Variants in MAF observed in about 807,000 individuals in gnomAD.
The protein encoded by MAF is transcription factor Maf.
MAF carries 10 observed loss-of-function variants against 22.0 expected under a neutral mutation model. The observed-to-expected ratio is 0.45, with a 90% CI of 0.28 to 0.77. The LOEUF is 0.77. Among genes scored for constraint, MAF ranks in the 30% least tolerant of loss-of-function variants. The pLI, the probability that MAF is intolerant of heterozygous loss-of-function variation, is 0.12. For missense variants in MAF, 544 were observed against 548.4 expected (o/e 0.99, Z 0.08); for synonymous variants, 337 against 255.8 (o/e 1.32, Z -3.03).
the MAF span, among the ~76,000 whole-genome samples, chr16:79,408,667 TCCTC>T: frequency 6.6e-5 from 10 of 151,926 alleles, no homozygotes; most frequent in Non-Finnish European, 1.3e-4. Context: ...TTCACTTCCT[TCCTC>T]CCTGTTTTCC....
chr16:79,382,927 G>C, the MAF span, among the ~76,000 whole-genome samples: 1 of 152,142 alleles, frequency 6.6e-6, no homozygotes, highest in Non-Finnish European at 1.5e-5. Flanking sequence ...TTGGCCTTTC[G>C]AGCCCAGGTC....
the MAF span, among the ~76,000 whole-genome samples, chr16:79,546,534 C>T: frequency 6.6e-6 from 1 of 152,158 alleles, no homozygotes; most frequent in African/African-American, 2.4e-5. Context: ...ACACCTATTC[C>T]ATTTCATATA....
At chr16:79,456,306 C>T in the MAF span, among the ~76,000 whole-genome samples, 7 of 152,086 alleles carry the variant, frequency 4.6e-5, no homozygotes, top group Non-Finnish European at 1.5e-5. Flanking sequence ...CCATTATGCC[C>T]CCTATTTAAA....
chr16:79,433,267 T>A, the MAF span, among the ~76,000 whole-genome samples: 5 of 139,358 alleles, frequency 3.6e-5, no homozygotes, highest in African/African-American at 5.2e-5. Context: ...ATAAGACAAG[T>A]AAAAAAAAAA....
At chr16:79,217,882 G>A in the MAF span, among the ~76,000 whole-genome samples, 2 of 150,098 alleles carry the variant, frequency 1.3e-5, no homozygotes, top group Admixed American at 1.3e-4. Context: ...CAGTGAAGGA[G>A]GCCTGATGAC....
chr16:79,495,955 A>T, the MAF span, among the ~76,000 whole-genome samples: 1 of 152,168 alleles, frequency 6.6e-6, no homozygotes, highest in African/African-American at 2.4e-5. Flanking sequence ...ATTAAAATAA[A>T]TGGCTTGATA....
chr16:79,541,647 A>G, the MAF span, among the ~76,000 whole-genome samples: 1 of 150,514 alleles, frequency 6.6e-6, no homozygotes, highest in Non-Finnish European at 1.5e-5. Context: ...CAGCTAAGCT[A>G]CTAGGGTTTT....
At chr16:79,375,536 G>T in the MAF span, among the ~76,000 whole-genome samples, 3 of 152,208 alleles carry the variant, frequency 2.0e-5, no homozygotes, top group South Asian at 6.2e-4. Context: ...TGATGGTAAT[G>T]ATGAAGATGA....
the MAF span, among the ~76,000 whole-genome samples, chr16:79,216,343 T>G: frequency 6.6e-6 from 1 of 152,236 alleles, no homozygotes; most frequent in Non-Finnish European, 1.5e-5. Context: ...TGCACATATA[T>G]GTATTGCATA....
At chr16:79,230,328 T>G in the MAF span, among the ~76,000 whole-genome samples, 1 of 152,114 alleles carries the variant, frequency 6.6e-6, no homozygotes, top group South Asian at 2.1e-4. Flanking sequence ...AGAAAGAATG[T>G]ACAGGAGGTG....
At chr16:79,400,110 A>C in the MAF span, among the ~76,000 whole-genome samples, 1 of 152,200 alleles carries the variant, frequency 6.6e-6, no homozygotes, top group Non-Finnish European at 1.5e-5. Context: ...GCTCCAGGAC[A>C]GGGTAGTTGC....
chr16:79,294,401 G>A, the MAF span, among the ~76,000 whole-genome samples: 4 of 152,154 alleles, frequency 2.6e-5, no homozygotes, highest in African/African-American at 9.7e-5. Flanking sequence ...TTCAAGACAA[G>A]CTCTTGACTA....
the MAF span, among the ~76,000 whole-genome samples, chr16:79,256,326 G>A: frequency 2.6e-5 from 4 of 152,162 alleles, no homozygotes; most frequent in East Asian, 7.8e-4. Context: ...GTGGCCATGA[G>A]AGGGATAAAT....
At chr16:79,211,716 C>G in the MAF span, 10 of 1,614,118 alleles carry the variant, frequency 6.2e-6, no homozygotes, top group Admixed American at 8.3e-5. Context: ...ACCAGAAGCT[C>G]AGAGCGAAGA....
the MAF span, among the ~76,000 whole-genome samples, chr16:79,300,258 T>A: frequency 3.9e-5 from 6 of 152,278 alleles, no homozygotes; most frequent in East Asian, 1.2e-3. Flanking sequence ...ACTTAACTCT[T>A]AAAAGACCCT....
At chr16:79,486,673 G>A in the MAF span, among the ~76,000 whole-genome samples, 1 of 152,270 alleles carries the variant, frequency 6.6e-6, no homozygotes, top group Admixed American at 6.5e-5. Context: ...TTAATAATTG[G>A]CTTTATGAGT....
chr16:79,207,213 T>G, the MAF span, among the ~76,000 whole-genome samples: 1 of 152,236 alleles, frequency 6.6e-6, no homozygotes, highest in Admixed American at 6.5e-5. Context: ...CTGTTCCTAG[T>G]GGTGTATTCA....
the MAF span, among the ~76,000 whole-genome samples, chr16:79,421,700 A>G: frequency 6.6e-6 from 1 of 151,474 alleles, no homozygotes; most frequent in South Asian, 2.1e-4. Context: ...GCAATGGCAC[A>G]ATTGTTGGCC....
At chr16:79,305,723 C>T in the MAF span, among the ~76,000 whole-genome samples, 9 of 152,054 alleles carry the variant, frequency 5.9e-5, no homozygotes, top group East Asian at 1.9e-4. Context: ...CAGAAATCGA[C>T]GCTGGAAGAT....
Sources: allele counts gnomAD v4.1 joint callset (sites outside exome capture counted in the v4.1 genomes callset), GRCh38; gene constraint gnomAD v4.1.1; transcripts MANE v1.5; gene names NCBI Gene and HGNC (gene_info 2026-07-23, HGNC 2026-07-21).